MYO9A: variants seen among roughly 807,000 people sequenced by gnomAD.
The protein encoded by MYO9A is myosin IXA, also known as unconventional myosin-IXa.
MYO9A carries 103 observed loss-of-function variants against 293.3 expected under a neutral mutation model. The observed-to-expected ratio is 0.35, with a 90% CI of 0.30 to 0.41. MYO9A has a LOEUF of 0.41. Ranked by LOEUF, MYO9A falls within the 10% of genes least tolerant of loss-of-function variation. The pLI, the probability that MYO9A is intolerant of heterozygous loss-of-function variation, is 1.00. For missense variants in MYO9A, 2,685 were observed against 3,033.0 expected (o/e 0.89, Z 2.69); for synonymous variants, 1,001 against 1,035.7 (o/e 0.97, Z 0.64).
At position 71,938,856 on chromosome 15, in the gene MYO9A, G is replaced by T; in HGVS notation, c.2374C>A (p.Gln792Lys). The T allele has an allele frequency of 6.2e-7, 1 of 1,606,316 alleles. No individual in the cohort carries two copies. The highest frequency in any genetic ancestry group is 1.3e-5 in the African/African-American group (1 of 74,496). Residue 792 changes from glutamine to lysine, a missense_variant, in exon 16 of 42, where the codon CAA (glutamine) becomes AAA (lysine). Around this residue, in one of 10 missense-constraint regions of MYO9A, gnomAD observed 1,434 missense variants for 1,497.7 expected, o/e 0.96. Coordinates refer to ENST00000356056, the MANE Select transcript of MYO9A (RefSeq NM_006901.4). ...ACATAAACCAAACACACTTACTGTTGGTTTTTTTCATTTAGAGCATTCATG... is the reference window on the plus strand; with the variant it reads ...ACATAAACCAAACACACTTACTGTTTGTTTTTTTCATTTAGAGCATTCATG... Reference protein sequence around the residue: ...QGMNALNEKNQHDTFDIAWNG... With the variant: ...QGMNALNEKNKHDTFDIAWNG...
At chr15:72,003,717 A>T (rs562647695) in intron 8 of MYO9A, among the ~76,000 whole-genome samples, 8 of 152,098 alleles carry the variant, frequency 5.3e-5, no homozygotes, top group South Asian at 2.1e-4. Flanking sequence ...AAAAAAAAAA[A>T]AAAATAAGAA....
intron 1 of MYO9A, among the ~76,000 whole-genome samples, chr15:72,100,591 GGGGAGCACCTCTGCCCC>G (rs1398305090): frequency 6.6e-6 from 1 of 151,926 alleles, no homozygotes; most frequent in Non-Finnish European, 1.5e-5. Context: ...TCTGAGATGT[GGGGAGCACCTCTGCCCC>G]GCCGCCCCGT....
chr15:72,100,832 G>C (rs1431721690), intron 1 of MYO9A, among the ~76,000 whole-genome samples: 5 of 150,912 alleles, frequency 3.3e-5, no homozygotes, highest in South Asian at 2.1e-4. Flanking sequence ...AGTGAGGAGC[G>C]TCTCCGCCCG....
At chr15:71,918,352 A>G (rs1295234844) in intron 18 of MYO9A, among the ~76,000 whole-genome samples, 1 of 152,202 alleles carries the variant, frequency 6.6e-6, no homozygotes, top group East Asian at 1.9e-4. Context: ...TTCAAAAAAT[A>G]ATGAAAAATT....
chr15:71,991,762 T>C (rs2076547588), intron 10 of MYO9A, among the ~76,000 whole-genome samples: 1 of 152,256 alleles, frequency 6.6e-6, no homozygotes, highest in Admixed American at 6.5e-5. Flanking sequence ...ATGGTTTCTT[T>C]TTTATTTTTG....
At chr15:72,065,618 A>C (rs1193542963) in intron 1 of MYO9A, among the ~76,000 whole-genome samples, 1 of 152,062 alleles carries the variant, frequency 6.6e-6, no homozygotes, top group African/African-American at 2.4e-5. Flanking sequence ...AAAAATAATA[A>C]ATTTGACTTT....
At chr15:71,859,270 A>G (rs1255023810) in intron 34 of MYO9A, among the ~76,000 whole-genome samples, 1 of 152,240 alleles carries the variant, frequency 6.6e-6, no homozygotes, top group Non-Finnish European at 1.5e-5. Flanking sequence ...AACATAAGGT[A>G]TCAAACAGTA....
At chr15:72,049,972 T>C (rs1486040126) in intron 1 of MYO9A, among the ~76,000 whole-genome samples, 1 of 152,220 alleles carries the variant, frequency 6.6e-6, no homozygotes, top group African/African-American at 2.4e-5. Flanking sequence ...ACAGGAGTCC[T>C]ATCTTGGACC....
chr15:71,911,400 T>A (rs1225591151), intron 19 of MYO9A, among the ~76,000 whole-genome samples: 1 of 152,212 alleles, frequency 6.6e-6, no homozygotes, highest in Non-Finnish European at 1.5e-5. Context: ...GTATCCTACA[T>A]CTTCCTTATA....
chr15:72,000,063 AAG>A, intron 8 of MYO9A, 123 bp from the exon 9 acceptor site: 1 of 659,200 alleles, frequency 1.5e-6, no homozygotes, highest in Non-Finnish European at 2.4e-6. Flanking sequence ...GCAGAGAAAA[AAG>A]GCAATACACT....
intron 7 of MYO9A, among the ~76,000 whole-genome samples, chr15:72,009,780 A>G (rs546866436): frequency 1.3e-5 from 2 of 152,158 alleles, no homozygotes; most frequent in Non-Finnish European, 2.9e-5. Context: ...CAAAAAAGTT[A>G]TAAGTAACTA....
chr15:72,070,084 T>C (rs534137515), intron 1 of MYO9A, among the ~76,000 whole-genome samples: 2 of 134,894 alleles, frequency 1.5e-5, no homozygotes, highest in Non-Finnish European at 3.1e-5. Flanking sequence ...AGCCGAGATA[T>C]CTCCACTGCA....
At chr15:71,956,322 A>T (rs1421783215) in intron 14 of MYO9A, among the ~76,000 whole-genome samples, 512 of 15,854 alleles carry the variant, frequency 0.032, 5 homozygotes, top group Middle Eastern at 0.067. Flanking sequence ...AAAAAAAAAA[A>T]AAAAAAAAAT....
chr15:71,900,888 TAAATAA>T (rs2057463564), intron 23 of MYO9A, among the ~76,000 whole-genome samples: 1 of 152,098 alleles, frequency 6.6e-6, no homozygotes, highest in Non-Finnish European at 1.5e-5. Context: ...CAAAAACTAT[TAAATAA>T]AAACAACTAT....
intron 12 of MYO9A, among the ~76,000 whole-genome samples, chr15:71,969,138 G>A (rs552972639): frequency 6.6e-6 from 1 of 152,290 alleles, no homozygotes; most frequent in East Asian, 1.9e-4. Context: ...TTATCACAGT[G>A]CCAGTAGAAT....
chr15:71,826,347 T>TA lies in MYO9A; in HGVS notation c.*232dup, dbSNP rs1056755826. The TA allele has an allele frequency of 2.0e-6, 1 of 502,188 alleles. No homozygotes were observed. The highest frequency in any genetic ancestry group is 3.4e-6 in the Non-Finnish European group (1 of 290,406). 31.1% of individuals were successfully genotyped at this position (502,188 alleles called of 1,614,324 possible). On this transcript the variant is annotated 3_prime_UTR_variant, in exon 42 of 42. Transcript: ENST00000356056. ...CCAGGCCCTAGGTGGCTTTGTATAG[T>TA]AAAAATCTCAATTCAAATACAACAG...
rs910422866 is a variant in MYO9A, at chr15:71,822,923, A to T, written c.*3657T>A. 3.3e-5 allele frequency: 5 copies of T among 152,220 alleles called. No individual in the cohort carries two copies. The highest frequency in any genetic ancestry group is 1.2e-4 in the African/African-American group (5 of 41,452). The allele number at this position is 152,220 out of a possible 1,614,324, so 9.4% of individuals were successfully genotyped here. ...GGAGTCATTCCAGAGAAAAGTGGTT[A>T]AAAGTAGTCTAGGGCATAGAAAAAG... is the stretch of plus-strand genomic sequence containing the variant. On this transcript the variant is annotated 3_prime_UTR_variant, in exon 42 of 42. Transcript: ENST00000356056.
At chr15:72,117,461 T>G (rs1188689578) in intron 1 of MYO9A, among the ~76,000 whole-genome samples, 2 of 146,410 alleles carry the variant, frequency 1.4e-5, no homozygotes, top group Admixed American at 6.8e-5. Flanking sequence ...CCGGGGAGGC[T>G]GGAGGGCCGG....
chr15:71,890,702 C>T lies in MYO9A; in HGVS notation c.5143-2586G>A, dbSNP rs546631466. On this transcript the variant is annotated intron_variant, in intron 26 of 41. Transcript: ENST00000356056. ...ACTACACTTGTTTCCCCTCCCACAG[C>T]AGGTAACAACTGATTAATAATTTAA... is the stretch of plus-strand genomic sequence containing the variant. 7.9e-5 allele frequency: 12 copies of T among 152,240 alleles called. No individual in the cohort carries two copies. In the East Asian group the frequency reaches 2.3e-3, roughly 29 times the overall value. The allele number at this position is 152,240 out of a possible 1,614,324, so 9.4% of individuals were successfully genotyped here. A position where few individuals can be genotyped will look rare whatever the true frequency, so the allele number is the denominator to read the frequency against.
Sources: gnomAD v4.1 joint callset for allele counts (sites outside exome capture counted in the v4.1 genomes callset) on GRCh38, gnomAD v4.1.1 for gene constraint, gnomAD v4.1.1 regional missense constraint, MANE v1.5 for transcripts, NCBI Gene and HGNC (gene_info 2026-07-23, HGNC 2026-07-21) for gene names.